BRD10: variants seen among roughly 807,000 people sequenced by gnomAD.
The protein encoded by BRD10 is uncharacterized bromodomain-containing protein 10.
At chr9:5,986,498 AATTG>A in the BRD10 span, among the ~76,000 whole-genome samples, 3 of 152,174 alleles carry the variant, frequency 2.0e-5, no homozygotes, top group Admixed American at 6.5e-5. Flanking sequence ...CCAGTAATGG[AATTG>A]CTGGGTCAAA....
the BRD10 span, among the ~76,000 whole-genome samples, chr9:5,902,293 T>C: frequency 1.3e-5 from 2 of 152,210 alleles, no homozygotes; most frequent in Non-Finnish European, 2.9e-5. Context: ...GTGAGCATAG[T>C]TCATAGTATT....
the BRD10 span, among the ~76,000 whole-genome samples, chr9:5,926,693 G>A: frequency 7.2e-5 from 11 of 151,942 alleles, no homozygotes; most frequent in African/African-American, 1.4e-4. Context: ...CACCACACCC[G>A]GCTAATTTTT....
chr9:5,978,749 G>A, the BRD10 span, among the ~76,000 whole-genome samples: 1 of 152,180 alleles, frequency 6.6e-6, no homozygotes, highest in South Asian at 2.1e-4. Context: ...GTCAGCACTA[G>A]TTGGCACCTT....
the BRD10 span, among the ~76,000 whole-genome samples, chr9:5,985,268 A>C: frequency 6.6e-6 from 1 of 152,206 alleles, no homozygotes; most frequent in African/African-American, 2.4e-5. Context: ...CAAAAGAATA[A>C]ACATAACCAG....
chr9:5,881,100 T>C, the BRD10 span, among the ~76,000 whole-genome samples: 1 of 152,188 alleles, frequency 6.6e-6, no homozygotes, highest in Non-Finnish European at 1.5e-5. Flanking sequence ...TTTATTCCTT[T>C]ACACACTTCA....
At chr9:5,963,609 G>A in the BRD10 span, among the ~76,000 whole-genome samples, 2 of 151,910 alleles carry the variant, frequency 1.3e-5, no homozygotes, top group African/African-American at 2.4e-5. Context: ...TCAATCCTAA[G>A]CCAAAAGAAC....
the BRD10 span, among the ~76,000 whole-genome samples, chr9:5,908,341 T>C: frequency 6.6e-6 from 1 of 152,370 alleles, no homozygotes; most frequent in Non-Finnish European, 1.5e-5. Context: ...ATAAATAGCA[T>C]TCAATGATTC....
At chr9:6,001,744 TAATAA>T in the BRD10 span, among the ~76,000 whole-genome samples, 5 of 152,310 alleles carry the variant, frequency 3.3e-5, no homozygotes, top group African/African-American at 4.8e-5. Flanking sequence ...GAATAAAATC[TAATAA>T]AATATTTTTA....
the BRD10 span, among the ~76,000 whole-genome samples, chr9:5,928,514 TACC>T: frequency 6.6e-6 from 1 of 152,212 alleles, no homozygotes; most frequent in Non-Finnish European, 1.5e-5. Context: ...TCTTGCCTGT[TACC>T]ACATTTCTCT....
the BRD10 span, among the ~76,000 whole-genome samples, chr9:5,906,007 G>T: frequency 6.6e-6 from 1 of 151,930 alleles, no homozygotes; most frequent in Non-Finnish European, 1.5e-5. Context: ...TAAATACATT[G>T]TTGCTATTAT....
At chr9:5,919,796 G>T in the BRD10 span, 1 of 1,613,678 alleles carries the variant, frequency 6.2e-7, no homozygotes, top group African/African-American at 1.3e-5. Context: ...TGGAGAGAGT[G>T]AAGAAACCTT....
the BRD10 span, among the ~76,000 whole-genome samples, chr9:5,953,150 T>C: frequency 6.6e-6 from 1 of 152,206 alleles, no homozygotes; most frequent in Non-Finnish European, 1.5e-5. Flanking sequence ...ACTCACATTA[T>C]ATATTATCAA....
At chr9:5,937,728 C>T in the BRD10 span, among the ~76,000 whole-genome samples, 1 of 152,176 alleles carries the variant, frequency 6.6e-6, no homozygotes, top group Non-Finnish European at 1.5e-5. Flanking sequence ...ACATTGTTTT[C>T]ATGCAACTTT....
chr9:5,962,466 T>C, the BRD10 span, among the ~76,000 whole-genome samples: 13 of 86,352 alleles, frequency 1.5e-4, no homozygotes, highest in African/African-American at 4.6e-4. Context: ...CACAGCCGAA[T>C]TCTACCAGAG....
chr9:5,941,141 A>AT, the BRD10 span, among the ~76,000 whole-genome samples: 1 of 152,194 alleles, frequency 6.6e-6, no homozygotes, highest in Non-Finnish European at 1.5e-5. Flanking sequence ...ACTTAGAAAT[A>AT]TAAGTTTGGC....
the BRD10 span, among the ~76,000 whole-genome samples, chr9:5,926,783 G>A: frequency 2.0e-5 from 3 of 151,868 alleles, no homozygotes; most frequent in Admixed American, 6.6e-5. Flanking sequence ...TGCCTGCCTC[G>A]GCCTCCCAAA....
chr9:5,956,864 T>G, the BRD10 span, among the ~76,000 whole-genome samples: 2 of 152,108 alleles, frequency 1.3e-5, no homozygotes, highest in African/African-American at 4.8e-5. Flanking sequence ...GAAATCACAT[T>G]ATTCACTCTG....
the BRD10 span, among the ~76,000 whole-genome samples, chr9:5,987,040 C>T: frequency 6.6e-6 from 1 of 152,132 alleles, no homozygotes; most frequent in Non-Finnish European, 1.5e-5. Flanking sequence ...ATCTTGAGTT[C>T]ACTACTCAAA....
chr9:6,006,982 T>C, the BRD10 span, among the ~76,000 whole-genome samples: 1 of 152,214 alleles, frequency 6.6e-6, no homozygotes, highest in Non-Finnish European at 1.5e-5. Context: ...GACTCGGGTT[T>C]CCTTCTCAGT....
Sources: gnomAD v4.1 joint callset for allele counts (sites outside exome capture counted in the v4.1 genomes callset) on GRCh38, gnomAD v4.1.1 for gene constraint, MANE v1.5 for transcripts, NCBI Gene and HGNC (gene_info 2026-07-23, HGNC 2026-07-21) for gene names.